The following CACNA2D3 variants were observed in gnomAD, a reference collection of about 807,000 sequenced individuals.
The protein encoded by CACNA2D3 is voltage-dependent calcium channel subunit alpha-2/delta-3.
CACNA2D3 carries 60 observed loss-of-function variants against 160.6 expected under a neutral mutation model. The observed-to-expected ratio is 0.37, with a 90% CI of 0.30 to 0.46. CACNA2D3 has a LOEUF of 0.46. Among genes scored for constraint, CACNA2D3 ranks in the 20% least tolerant of loss-of-function variants. The pLI is 1.00. For synonymous variants in CACNA2D3, 558 were observed against 492.9 expected (o/e 1.13, Z -1.75); for missense variants, 1,205 against 1,365.0 (o/e 0.88, Z 1.85).
intron 31 of CACNA2D3, among the ~76,000 whole-genome samples, chr3:55,003,668 A>C (rs1703030746): frequency 6.6e-6 from 1 of 152,152 alleles, no homozygotes; most frequent in African/African-American, 2.4e-5. Context: ...ATGGTTAGTA[A>C]ATAATTTCAA....
intron 4 of CACNA2D3, among the ~76,000 whole-genome samples, chr3:54,503,195 T>C (rs998554108): frequency 1.3e-5 from 2 of 152,236 alleles, no homozygotes; most frequent in African/African-American, 4.8e-5. Context: ...CTCTTCAAAA[T>C]TTAAAGAATT....
chr3:54,161,419 C>T (rs1402249204), intron 2 of CACNA2D3, among the ~76,000 whole-genome samples: 1 of 152,226 alleles, frequency 6.6e-6, no homozygotes, highest in Non-Finnish European at 1.5e-5. Flanking sequence ...GGCCTGTGAA[C>T]ACATGTTAGT....
intron 4 of CACNA2D3, among the ~76,000 whole-genome samples, chr3:54,390,837 C>A (rs1202324383): frequency 6.6e-6 from 1 of 152,110 alleles, no homozygotes; most frequent in Non-Finnish European, 1.5e-5. Flanking sequence ...TAGAGCTGAT[C>A]AATTGTTAAT....
At position 54,548,769 on chromosome 3, in the gene CACNA2D3, T is replaced by C. The variant is rs143371567; in HGVS notation, c.545-14031T>C. Reference sequence around the variant, plus strand: ...CAGACCTGTGGGCAGGACTTGCAAGTGCATCATGGCACAAAGGCATTCCTT... The same window carrying C: ...CAGACCTGTGGGCAGGACTTGCAAGCGCATCATGGCACAAAGGCATTCCTT... On this transcript the variant is annotated intron_variant, in intron 5 of 37. Coordinates refer to ENST00000474759, the MANE Select transcript of CACNA2D3 (RefSeq NM_018398.3). Among the ~76,000 whole-genome samples, 686 of 152,254 alleles carry C rather than the reference T, an allele frequency of 4.5e-3. 6 individuals carry two copies. Among genetic ancestry groups the C allele is most frequent in the African/African-American group, 0.015 (639 of 41,542 alleles).
At chr3:54,363,203 A>G (rs902713685) in intron 3 of CACNA2D3, among the ~76,000 whole-genome samples, 3 of 152,082 alleles carry the variant, frequency 2.0e-5, no homozygotes, top group Admixed American at 2.0e-4. Flanking sequence ...CCAAATATAT[A>G]TATATGAGAA....
chr3:54,693,506 T>C (rs982789210), intron 11 of CACNA2D3, among the ~76,000 whole-genome samples: 1 of 152,232 alleles, frequency 6.6e-6, no homozygotes, highest in Admixed American at 6.5e-5. Flanking sequence ...TACTGGTTTA[T>C]GTACTGTACT....
intron 11 of CACNA2D3, among the ~76,000 whole-genome samples, chr3:54,660,737 C>T (rs1699953283): frequency 6.6e-6 from 1 of 152,136 alleles, no homozygotes; most frequent in Non-Finnish European, 1.5e-5. Flanking sequence ...TACTGCAGCC[C>T]AGCACGCCAG....
intron 27 of CACNA2D3, among the ~76,000 whole-genome samples, chr3:54,945,333 G>A (rs748385285): frequency 9.9e-5 from 15 of 152,180 alleles, no homozygotes; most frequent in South Asian, 2.1e-4. Flanking sequence ...CTGGCTCTCC[G>A]AGCCTTACTC....
chr3:54,582,307 A>C (rs114928301), intron 9 of CACNA2D3, among the ~76,000 whole-genome samples: 1 of 152,330 alleles, frequency 6.6e-6, no homozygotes, highest in Non-Finnish European at 1.5e-5. Context: ...TTTCAAGGAT[A>C]GGAATGCTGT....
intron 18 of CACNA2D3, among the ~76,000 whole-genome samples, chr3:54,874,059 C>T (rs969499661): frequency 1.3e-5 from 2 of 152,124 alleles, no homozygotes; most frequent in African/African-American, 4.8e-5. Context: ...CAGAGAATTT[C>T]TTGGAAGGTG....
At chr3:55,057,987 CA>C (rs1195757645) in intron 35 of CACNA2D3, among the ~76,000 whole-genome samples, 20 of 150,640 alleles carry the variant, frequency 1.3e-4, no homozygotes, top group East Asian at 1.2e-3. Context: ...GACAAATCAC[CA>C]AAAAAAAATC....
intron 2 of CACNA2D3, among the ~76,000 whole-genome samples, chr3:54,160,485 G>A (rs1700324405): frequency 6.6e-6 from 1 of 152,144 alleles, no homozygotes; most frequent in Non-Finnish European, 1.5e-5. Context: ...GGGCAACAGA[G>A]GGTGACTCTG....
chr3:54,633,623 C>G (rs527646462), intron 10 of CACNA2D3: 3 of 152,296 alleles, frequency 2.0e-5, no homozygotes, highest in East Asian at 1.9e-4. Flanking sequence ...CCACTGCAAA[C>G]GACACAAACT....
At chr3:54,849,333 A>G (rs940052694) in intron 17 of CACNA2D3, among the ~76,000 whole-genome samples, 3 of 152,306 alleles carry the variant, frequency 2.0e-5, no homozygotes, top group African/African-American at 7.2e-5. Flanking sequence ...TCTGGCGTGC[A>G]CAAGTTGTTT....
intron 30 of CACNA2D3, 44 bp from the exon 31 acceptor site, chr3:54,987,639 C>A: frequency 7.9e-7 from 1 of 1,265,134 alleles, no homozygotes. Flanking sequence ...CCTGTTTGGG[C>A]ACATTATTTA....
chr3:54,746,199 A>T (rs1701750616), intron 11 of CACNA2D3, among the ~76,000 whole-genome samples: 2 of 152,216 alleles, frequency 1.3e-5, no homozygotes, highest in South Asian at 4.1e-4. Context: ...TGAAGCATTT[A>T]TGTGAGTAAT....
chr3:54,388,701 G>T (rs925220636), intron 4 of CACNA2D3, among the ~76,000 whole-genome samples: 3 of 136,194 alleles, frequency 2.2e-5, no homozygotes, highest in African/African-American at 8.2e-5. Flanking sequence ...AGATCTAGGG[G>T]CCATTTACTG....
At chr3:54,491,662 G>A (rs1411071404) in intron 4 of CACNA2D3, among the ~76,000 whole-genome samples, 1 of 152,114 alleles carries the variant, frequency 6.6e-6, no homozygotes, top group African/African-American at 2.4e-5. Context: ...CCAGCTGCCT[G>A]TTTTTATAAA....
intron 2 of CACNA2D3, among the ~76,000 whole-genome samples, chr3:54,219,566 G>A (rs1472057641): frequency 2.0e-5 from 3 of 152,096 alleles, no homozygotes; most frequent in East Asian, 1.9e-4. Flanking sequence ...CTCTTCCTTC[G>A]GGGGGATTTT....
Sources: gnomAD v4.1 joint callset for allele counts (sites outside exome capture counted in the v4.1 genomes callset) on GRCh38, gnomAD v4.1.1 for gene constraint, MANE v1.5 for transcripts, NCBI Gene and HGNC (gene_info 2026-07-23, HGNC 2026-07-21) for gene names.